PPP2R2B: variants seen among roughly 807,000 people sequenced by gnomAD.
PPP2R2B encodes the protein serine/threonine-protein phosphatase 2A 55 kDa regulatory subunit B beta isoform.
PPP2R2B carries 5 observed loss-of-function variants against 46.0 expected under a neutral mutation model. The observed-to-expected ratio is 0.11, with a 90% CI of 0.06 to 0.23. PPP2R2B has a LOEUF of 0.23. PPP2R2B is among the 10% of genes least tolerant of loss of function. PPP2R2B has a pLI of 1.00. For synonymous variants in PPP2R2B, 215 were observed against 206.7 expected, an observed-to-expected ratio of 1.04 and a Z score of -0.34; for missense variants, 367 against 575.0, an observed-to-expected ratio of 0.64 and a Z score of 3.70.
chr5:146,602,231 C>A (rs1177020420), intron 7 of PPP2R2B, among the ~76,000 whole-genome samples: 1 of 152,164 alleles, frequency 6.6e-6, no homozygotes, highest in Admixed American at 6.5e-5. Flanking sequence ...ATTATTTTAA[C>A]AACTGATGAG....
At chr5:146,707,488 G>A in intron 2 of PPP2R2B, 2 of 742,526 alleles carry the variant, frequency 2.7e-6, no homozygotes, top group Non-Finnish European at 5.0e-6. Flanking sequence ...CCACTCAGGA[G>A]AAGCTCAAGG....
intron 5 of PPP2R2B, among the ~76,000 whole-genome samples, chr5:146,677,130 C>T (rs954178380): frequency 6.6e-6 from 1 of 152,092 alleles, no homozygotes; most frequent in African/African-American, 2.4e-5. Context: ...ATTTGGAGAG[C>T]CTATGATTTA....
At chr5:147,080,598 A>T (rs754075693) in intron 2 of PPP2R2B, among the ~76,000 whole-genome samples, 29 of 152,198 alleles carry the variant, frequency 1.9e-4, no homozygotes, top group Non-Finnish European at 3.8e-4. Flanking sequence ...GAGAACCAGA[A>T]AGGCAATTAT....
chr5:147,066,607 C>A (rs766350909), intron 2 of PPP2R2B, among the ~76,000 whole-genome samples: 1 of 152,118 alleles, frequency 6.6e-6, no homozygotes, highest in Non-Finnish European at 1.5e-5. Flanking sequence ...ATGTGCTCAG[C>A]GCTGACCATA....
chr5:146,861,048 TTTTTTC>T (rs1381306348), intron 2 of PPP2R2B, among the ~76,000 whole-genome samples: 3 of 86,642 alleles, frequency 3.5e-5, no homozygotes, highest in African/African-American at 2.1e-4. Flanking sequence ...TCAAACTGAA[TTTTTTC>T]TTTTTTTTTT....
At position 146,806,108 on chromosome 5, in the gene PPP2R2B, G is replaced by A. The variant is rs1263416291; in HGVS notation, c.70+71894C>T. Among the ~76,000 whole-genome samples, 5 of 152,172 alleles carry A rather than the reference G, an allele frequency of 3.3e-5. No homozygotes were observed. In the South Asian group the frequency reaches 8.3e-4, roughly 25 times the overall value. On this transcript the variant is annotated intron_variant, in intron 2 of 9. Coordinates refer to ENST00000394411, the MANE Select transcript of PPP2R2B (RefSeq NM_181675.4). Reference sequence around the variant, plus strand: ...TTTGGTGGATGACAAAATGAACTGAGTGTGCCACTGAACATATGAAGAAGC... The same window carrying A: ...TTTGGTGGATGACAAAATGAACTGAATGTGCCACTGAACATATGAAGAAGC...
intron 2 of PPP2R2B, among the ~76,000 whole-genome samples, chr5:146,730,438 G>C (rs1439041434): frequency 6.6e-6 from 1 of 152,146 alleles, no homozygotes; most frequent in Non-Finnish European, 1.5e-5. Context: ...GGCATGATTA[G>C]TTTTGAAATG....
intron 1 of PPP2R2B, among the ~76,000 whole-genome samples, chr5:146,941,190 A>G (rs1396908540): frequency 6.6e-6 from 1 of 152,150 alleles, no homozygotes; most frequent in African/African-American, 2.4e-5. Flanking sequence ...CAGCTGGAAA[A>G]CAGGACACTC....
intron 5 of PPP2R2B, among the ~76,000 whole-genome samples, chr5:146,690,701 A>G (rs1298738002): frequency 1.3e-5 from 2 of 152,192 alleles, no homozygotes; most frequent in African/African-American, 4.8e-5. Context: ...TTAAATGACT[A>G]TTGGGAAATT....
chr5:146,863,655 T>C (rs975849249), intron 2 of PPP2R2B, among the ~76,000 whole-genome samples: 62 of 151,994 alleles, frequency 4.1e-4, no homozygotes, highest in Non-Finnish European at 4.6e-4. Flanking sequence ...CATCCATCCA[T>C]CCATCCATCC....
At chr5:146,821,358 T>C (rs1321226720) in intron 2 of PPP2R2B, among the ~76,000 whole-genome samples, 1 of 152,200 alleles carries the variant, frequency 6.6e-6, no homozygotes, top group Non-Finnish European at 1.5e-5. Flanking sequence ...CACCCATTAA[T>C]GCCCCCTTGA....
rs370034952 is a variant in PPP2R2B at position 146,856,545 on chromosome 5, T to C, written c.70+21457A>G. ...CATCTGGATAATTCATGCTTCATTA[T>C]TGGGCCACTATTCTCTGTCTTGGGT... On this transcript the variant is annotated intron_variant, in intron 2 of 9. Transcript: ENST00000394411. The C allele has an allele frequency of 3.0e-5, 49 of 1,612,924 alleles. 1 individual carries two copies. Among genetic ancestry groups the C allele is most frequent in the African/African-American group, 9.3e-5 (7 of 74,914 alleles).
chr5:146,656,215 A>G (rs1776321980), intron 5 of PPP2R2B, among the ~76,000 whole-genome samples: 1 of 152,048 alleles, frequency 6.6e-6, no homozygotes, highest in Non-Finnish European at 1.5e-5. Context: ...TGGGGTGGTC[A>G]TAGAAGGCCT....
At chr5:146,818,126 G>C (rs533307715) in intron 2 of PPP2R2B, among the ~76,000 whole-genome samples, 1 of 152,208 alleles carries the variant, frequency 6.6e-6, no homozygotes, top group Admixed American at 6.5e-5. Context: ...CCATTACAGA[G>C]GAGCCATCCT....
Position 146,590,398 on chromosome 5 carries a change from GT to G in PPP2R2B, c.1053-173del, listed in dbSNP as rs1221281341. Among the ~76,000 whole-genome samples, 691 of 113,394 alleles carry G rather than the reference GT, an allele frequency of 6.1e-3. 1 individual carries two copies. Among genetic ancestry groups the G allele is most frequent in the East Asian group, 0.025 (94 of 3,766 alleles). The allele number at this position is 113,394 out of a possible 152,430, so 74.4% of individuals were successfully genotyped here. Reference sequence around the variant, plus strand: ...TATTGGCTTTTTGTTTTTTTTTTGTGTTTTTTTTTTTTTTTTTTGAATCACT... The same window carrying G: ...TATTGGCTTTTTGTTTTTTTTTTGTGTTTTTTTTTTTTTTTTTGAATCACT... On this transcript the variant is annotated intron_variant, in intron 9 of 9. Coordinates refer to ENST00000394411, the MANE Select transcript of PPP2R2B (RefSeq NM_181675.4).
At chr5:146,635,926 A>T (rs1177519558) in intron 7 of PPP2R2B, among the ~76,000 whole-genome samples, 1 of 152,244 alleles carries the variant, frequency 6.6e-6, no homozygotes, top group Non-Finnish European at 1.5e-5. Flanking sequence ...TATCACGTCC[A>T]TGTATGACGA....
intron 1 of PPP2R2B, among the ~76,000 whole-genome samples, chr5:147,012,554 A>T (rs1179409801): frequency 6.6e-6 from 1 of 152,112 alleles, no homozygotes; most frequent in East Asian, 1.9e-4. Flanking sequence ...AATTTTTTGA[A>T]GGGATTTTTT....
At chr5:146,801,443 C>T (rs1280498778) in intron 2 of PPP2R2B, among the ~76,000 whole-genome samples, 1 of 152,112 alleles carries the variant, frequency 6.6e-6, no homozygotes, top group Non-Finnish European at 1.5e-5. Context: ...CTTAAATATA[C>T]ACAATTTTAA....
chr5:146,658,455 G>A (rs572494370), intron 5 of PPP2R2B, among the ~76,000 whole-genome samples: 1 of 152,256 alleles, frequency 6.6e-6, no homozygotes, highest in Admixed American at 6.5e-5. Flanking sequence ...CATAAAAATG[G>A]GAGAGCATTG....
Sources: gnomAD v4.1 joint callset for allele counts (sites outside exome capture counted in the v4.1 genomes callset) on GRCh38, gnomAD v4.1.1 for gene constraint, MANE v1.5 for transcripts, NCBI Gene and HGNC (gene_info 2026-07-23, HGNC 2026-07-21) for gene names.